Variants in AGBL4 observed in about 807,000 individuals in gnomAD.
AGBL4 encodes cytosolic carboxypeptidase 6.
In AGBL4, 58 loss-of-function variants were observed where a neutral mutation model predicts 66.4. That is an observed-to-expected ratio of 0.87 (90% CI 0.71 to 1.09). The LOEUF (loss-of-function observed/expected upper bound fraction) is 1.09, where lower values mean the gene tolerates loss of function less well. AGBL4 is among the 50% of genes least tolerant of loss of function. The pLI is 0.00. For synonymous variants in AGBL4, 234 were observed against 222.9 expected (o/e 1.05, Z -0.44); for missense variants, 579 against 631.0 (o/e 0.92, Z 0.88).
chr1:50,016,547 G>A (rs887912309), intron 1 of AGBL4, among the ~76,000 whole-genome samples: 5 of 152,192 alleles, frequency 3.3e-5, no homozygotes, highest in Non-Finnish European at 5.9e-5. Context: ...AGGTGACAGA[G>A]TGTGACTTTG....
intron 6 of AGBL4, among the ~76,000 whole-genome samples, chr1:48,750,626 C>A (rs955876460): frequency 6.6e-6 from 1 of 152,210 alleles, no homozygotes; most frequent in African/African-American, 2.4e-5. Flanking sequence ...AATTTGATTT[C>A]TCCGTGCCTA....
At chr1:48,940,148 G>A (rs1014353386) in intron 5 of AGBL4, among the ~76,000 whole-genome samples, 1 of 152,180 alleles carries the variant, frequency 6.6e-6, no homozygotes, top group African/African-American at 2.4e-5. Context: ...GGAAGGCCCG[G>A]GTGGGCAGAT....
intron 2 of AGBL4, among the ~76,000 whole-genome samples, chr1:49,706,079 G>C (rs1231549246): frequency 6.6e-6 from 1 of 152,162 alleles, no homozygotes; most frequent in Non-Finnish European, 1.5e-5. Flanking sequence ...AATTGCAGAG[G>C]AGTCCCTGTT....
intron 3 of AGBL4, among the ~76,000 whole-genome samples, chr1:49,384,573 A>G (rs983559006): frequency 6.6e-6 from 1 of 152,120 alleles, no homozygotes; most frequent in Non-Finnish European, 1.5e-5. Flanking sequence ...AGCCTGGGTG[A>G]CAGAGTGAGA....
chr1:49,995,591 T>C, intron 1 of AGBL4: 1 of 275,510 alleles, frequency 3.6e-6, no homozygotes, highest in Non-Finnish European at 7.2e-6. Flanking sequence ...AAGAACATAG[T>C]CTCTTGGGAA....
chr1:48,915,245 A>G (rs535055528), intron 5 of AGBL4, among the ~76,000 whole-genome samples: 2 of 152,316 alleles, frequency 1.3e-5, no homozygotes, highest in African/African-American at 4.8e-5. Flanking sequence ...CATTTGGAAC[A>G]TGCTATGGCT....
In AGBL4 at chr1:49,288,008, T is replaced by G. The variant is rs61783590; in HGVS notation, c.283-42144A>C. 1.0e-3 allele frequency among the ~76,000 whole-genome samples: 135 copies of G among 131,192 alleles called. 1 individual carries two copies. The highest frequency in any genetic ancestry group is 3.8e-3 in the African/African-American group (130 of 34,524). The allele number at this position is 131,192 out of a possible 152,430, so 86.1% of individuals were successfully genotyped here. A position where few individuals can be genotyped will look rare whatever the true frequency, so the allele number is the denominator to read the frequency against. Reference sequence around the variant, plus strand: ...GACTGGATTAAGAAAATGTGGCACATATACACCATGGAATACTATGCAGCC... The same window carrying G: ...GACTGGATTAAGAAAATGTGGCACAGATACACCATGGAATACTATGCAGCC... On this transcript the variant is annotated intron_variant, in intron 3 of 13. Coordinates refer to ENST00000371839, the MANE Select transcript of AGBL4 (RefSeq NM_032785.4).
chr1:49,839,013 T>C (rs922822481), intron 2 of AGBL4, among the ~76,000 whole-genome samples: 2 of 152,220 alleles, frequency 1.3e-5, no homozygotes, highest in African/African-American at 4.8e-5. Context: ...GGTTTCAATA[T>C]GCCCAATTCA....
chr1:48,759,040 T>A (rs750936942), intron 6 of AGBL4: 13 of 1,614,034 alleles, frequency 8.1e-6, no homozygotes, highest in Non-Finnish European at 1.1e-5. Flanking sequence ...CTCCAGCTCC[T>A]GCTGGAGGTG....
intron 3 of AGBL4, among the ~76,000 whole-genome samples, chr1:49,506,675 G>A (rs1648717355): frequency 6.6e-6 from 1 of 151,992 alleles, no homozygotes; most frequent in South Asian, 2.1e-4. Context: ...CCAGTCTTGG[G>A]TATGTCTTTA....
chr1:49,067,604 T>C (rs2147926061), intron 4 of AGBL4, among the ~76,000 whole-genome samples: 1 of 152,274 alleles, frequency 6.6e-6, no homozygotes, highest in South Asian at 2.1e-4. Context: ...AAGCAGTCTT[T>C]CCTGACCACT....
chr1:49,514,263 A>G (rs1461154179), intron 3 of AGBL4, among the ~76,000 whole-genome samples: 1 of 151,946 alleles, frequency 6.6e-6, no homozygotes, highest in African/African-American at 2.4e-5. Flanking sequence ...TGTGTTGAAT[A>G]GGAGTGGTGA....
chr1:49,564,971 C>A (rs1299741230), intron 3 of AGBL4, among the ~76,000 whole-genome samples: 4 of 152,120 alleles, frequency 2.6e-5, no homozygotes, highest in African/African-American at 9.7e-5. Context: ...TAAGGACTTG[C>A]TTTATGAATC....
At chr1:49,982,908 G>A (rs1418456679) in intron 1 of AGBL4, among the ~76,000 whole-genome samples, 2 of 152,130 alleles carry the variant, frequency 1.3e-5, no homozygotes, top group African/African-American at 2.4e-5. Context: ...CAGCTGCAGA[G>A]AAGAGTTACC....
At chr1:48,686,731 G>T (rs903236419) in intron 6 of AGBL4, among the ~76,000 whole-genome samples, 2 of 152,198 alleles carry the variant, frequency 1.3e-5, no homozygotes, top group Admixed American at 6.5e-5. Flanking sequence ...CCTGAGATCT[G>T]CCATGGATCA....
chr1:49,283,111 A>C (rs1644316590), intron 3 of AGBL4, among the ~76,000 whole-genome samples: 1 of 152,206 alleles, frequency 6.6e-6, no homozygotes, highest in African/African-American at 2.4e-5. Context: ...CTGCAGACTT[A>C]AATGTCCCTG....
At chr1:49,607,631 G>A (rs1016987282) in intron 3 of AGBL4, among the ~76,000 whole-genome samples, 1 of 151,990 alleles carries the variant, frequency 6.6e-6, no homozygotes, top group Admixed American at 6.6e-5. Context: ...ATTACAGTCT[G>A]CCTTTAATAC....
intron 3 of AGBL4, among the ~76,000 whole-genome samples, chr1:49,385,361 T>G (rs935605312): frequency 2.0e-5 from 3 of 151,980 alleles, no homozygotes; most frequent in Admixed American, 2.0e-4. Flanking sequence ...AAGACTACAT[T>G]CTTGTGTTCT....
At chr1:49,100,011 T>C (rs1645172322) in intron 4 of AGBL4, among the ~76,000 whole-genome samples, 1 of 152,128 alleles carries the variant, frequency 6.6e-6, no homozygotes, top group Non-Finnish European at 1.5e-5. Flanking sequence ...AGGTCAGTAC[T>C]AACAGTGTTA....
Sources: gnomAD v4.1 joint callset for allele counts (sites outside exome capture counted in the v4.1 genomes callset) on GRCh38, gnomAD v4.1.1 for gene constraint, MANE v1.5 for transcripts, NCBI Gene and HGNC (gene_info 2026-07-23, HGNC 2026-07-21) for gene names.